The following PPP2R2C variants were observed in gnomAD, a reference collection of about 807,000 sequenced individuals.
PPP2R2C encodes the protein protein phosphatase 2, regulatory subunit B, gamma.
Under a neutral mutation model 45.3 loss-of-function variants are expected in PPP2R2C, and 10 were observed. The ratio of observed to expected loss-of-function variants is 0.22; its 90% CI spans 0.14 to 0.37. The LOEUF is 0.37. Ranked by LOEUF, PPP2R2C falls within the 10% of genes least tolerant of loss-of-function variation. The pLI is 1.00. For missense variants in PPP2R2C, 308 were observed against 619.7 expected, an observed-to-expected ratio of 0.50 and a Z score of 5.34; for synonymous variants, 257 against 245.4, an observed-to-expected ratio of 1.05 and a Z score of -0.44.
At chr4:6,464,263 A>C (rs922386946) in intron 1 of PPP2R2C, among the ~76,000 whole-genome samples, 4 of 152,212 alleles carry the variant, frequency 2.6e-5, no homozygotes, top group Admixed American at 1.3e-4. Context: ...ATTTCATCCT[A>C]AAGTCCACTT....
chr4:6,447,600 G>C (rs911078686), intron 1 of PPP2R2C, among the ~76,000 whole-genome samples: 2 of 150,208 alleles, frequency 1.3e-5, no homozygotes, highest in Non-Finnish European at 2.9e-5. Flanking sequence ...TGCTTTAGGG[G>C]GGTTGCAAGA....
chr4:6,397,767 C>CGAAA (rs1717142584), intron 1 of PPP2R2C, among the ~76,000 whole-genome samples: 2 of 152,226 alleles, frequency 1.3e-5, no homozygotes, highest in Non-Finnish European at 2.9e-5. Flanking sequence ...ATATTCACAC[C>CGAAA]TGCTTCAGAG....
At chr4:6,357,081 G>A (rs1441401055) in intron 5 of PPP2R2C, among the ~76,000 whole-genome samples, 1 of 148,970 alleles carries the variant, frequency 6.7e-6, no homozygotes, top group African/African-American at 2.5e-5. Context: ...GGCAGGGAAA[G>A]GCTGTCAGGT....
At chr4:6,439,574 G>A (rs1560548094) in intron 1 of PPP2R2C, among the ~76,000 whole-genome samples, 1 of 152,146 alleles carries the variant, frequency 6.6e-6, no homozygotes, top group Non-Finnish European at 1.5e-5. Context: ...CTCACAGCCA[G>A]GCCCTGGGAG....
chr4:6,506,174 G>T (rs1723224084), intron 2 of PPP2R2C, among the ~76,000 whole-genome samples: 1 of 152,080 alleles, frequency 6.6e-6, no homozygotes. Context: ...CAGGTGTGGT[G>T]CTGGGAAGAT....
intron 5 of PPP2R2C, among the ~76,000 whole-genome samples, chr4:6,355,567 A>AT (rs1713095041): frequency 6.6e-6 from 1 of 151,172 alleles, no homozygotes; most frequent in Admixed American, 6.6e-5. Context: ...AAAAAAAAAA[A>AT]GAGGCATGGT....
Position 6,471,849 on chromosome 4 carries a change from T to C in PPP2R2C, c.70+311A>G, listed in dbSNP as rs1351531536. On this transcript the variant is annotated intron_variant, in intron 1 of 8. Transcript: ENST00000382599. This position sits in a 1 kb window ranked among gnomAD's most constrained non-coding sequence, Gnocchi z 5.6. ...CCACAGCCGTGGCCTTTTAAAAAAT[T>C]ATGGTCAGGGCCGAATCAGGATGCC... Among the ~76,000 whole-genome samples, 2 of 151,600 alleles carry C rather than the reference T, an allele frequency of 1.3e-5. No individual in the cohort carries two copies. The highest frequency in any genetic ancestry group is 1.3e-4 in the Admixed American group (2 of 15,236).
At chr4:6,335,365 T>C (rs915527505) in intron 6 of PPP2R2C, among the ~76,000 whole-genome samples, 5 of 151,702 alleles carry the variant, frequency 3.3e-5, no homozygotes, top group African/African-American at 1.2e-4. Context: ...TGGGGAGAGA[T>C]TGGTGGCGAT....
intron 2 of PPP2R2C, among the ~76,000 whole-genome samples, chr4:6,531,873 C>G (rs28609566): frequency 0.11 from 16,562 of 152,164 alleles, 3,001 homozygotes; most frequent in African/African-American, 0.38. Flanking sequence ...TGGCCCAGGT[C>G]CGGAGCAGGT....
At chr4:6,527,540 ACTC>A (rs879892872) in intron 2 of PPP2R2C, among the ~76,000 whole-genome samples, 35 of 151,882 alleles carry the variant, frequency 2.3e-4, no homozygotes, top group Non-Finnish European at 4.4e-4. Context: ...ACACAGCCCC[ACTC>A]CTCAACAGCT....
At chr4:6,523,725 G>A (rs1577238284) in intron 2 of PPP2R2C, among the ~76,000 whole-genome samples, 1 of 152,134 alleles carries the variant, frequency 6.6e-6, no homozygotes, top group East Asian at 1.9e-4. Flanking sequence ...TGTCTATCAC[G>A]GAACACTGAA....
intron 1 of PPP2R2C, among the ~76,000 whole-genome samples, chr4:6,409,744 T>C (rs111266710): frequency 0.028 from 4,277 of 152,172 alleles, 198 homozygotes; most frequent in African/African-American, 0.094. Context: ...TCACCCCAAG[T>C]CATGGGTGGA....
At chr4:6,428,886 T>G (rs1395585004) in intron 1 of PPP2R2C, among the ~76,000 whole-genome samples, 4 of 152,270 alleles carry the variant, frequency 2.6e-5, no homozygotes, top group Admixed American at 2.0e-4. Flanking sequence ...AACCCAGGTC[T>G]GCCTGACTCC....
At position 6,428,395 on chromosome 4, in the gene PPP2R2C, C is replaced by T. The variant is rs184608090; in HGVS notation, c.70+43765G>A. 8.5e-5 allele frequency among the ~76,000 whole-genome samples: 13 copies of T among 152,308 alleles called. No homozygotes were observed. In the East Asian group the frequency reaches 2.5e-3, roughly 29 times the overall value. On this transcript the variant is annotated intron_variant, in intron 1 of 8. Transcript: ENST00000382599. ...TTAAGTTTCCAAGGTCCAGCCAAGT[C>T]GATGAAAGCTGATTGCTGGTGACTG...
At chr4:6,528,288 C>T (rs958793576) in intron 2 of PPP2R2C, among the ~76,000 whole-genome samples, 3 of 152,146 alleles carry the variant, frequency 2.0e-5, no homozygotes, top group African/African-American at 7.2e-5. Flanking sequence ...TGGCTCGGGC[C>T]GGGAGGGCCC....
chr4:6,352,654 A>G lies in PPP2R2C; in HGVS notation c.626-4644T>C, dbSNP rs73795992. On this transcript the variant is annotated intron_variant, in intron 5 of 8. Transcript: ENST00000382599. ...GGAATTCCAGAGAGAGGAGCAAGTTATGCAGAGAGGATGAAAAGGAGAGAA... is the reference window on the plus strand; with the variant it reads ...GGAATTCCAGAGAGAGGAGCAAGTTGTGCAGAGAGGATGAAAAGGAGAGAA... 3.4e-3 allele frequency among the ~76,000 whole-genome samples: 514 copies of G among 152,328 alleles called. 2 individuals are homozygous for G. Among genetic ancestry groups the G allele is most frequent in the African/African-American group, 0.011 (471 of 41,582 alleles).
At chr4:6,524,821 G>A (rs1287715866) in intron 2 of PPP2R2C, among the ~76,000 whole-genome samples, 1 of 152,228 alleles carries the variant, frequency 6.6e-6, no homozygotes, top group African/African-American at 2.4e-5. Context: ...GGGCACAGTG[G>A]CTCACACCTG....
At chr4:6,562,745 A>C (rs1334105783) in intron 1 of PPP2R2C, among the ~76,000 whole-genome samples, 2 of 152,172 alleles carry the variant, frequency 1.3e-5, no homozygotes, top group Non-Finnish European at 2.9e-5. Flanking sequence ...TGAGAGAGTA[A>C]GCCACTTGCT....
intron 1 of PPP2R2C, among the ~76,000 whole-genome samples, chr4:6,423,366 G>A (rs1463358232): frequency 3.3e-5 from 5 of 152,156 alleles, no homozygotes; most frequent in Non-Finnish European, 5.9e-5. Flanking sequence ...ACCACGCCCA[G>A]CTAATTTTTG....
Sources: allele counts gnomAD v4.1 joint callset (sites outside exome capture counted in the v4.1 genomes callset), GRCh38; gene constraint gnomAD v4.1.1; non-coding constraint Gnocchi (gnomAD v3.1); transcripts MANE v1.5; gene names NCBI Gene and HGNC (gene_info 2026-07-23, HGNC 2026-07-21).